MYO9B: variants seen among roughly 807,000 people sequenced by gnomAD.
The protein encoded by MYO9B is unconventional myosin-IXb.
MYO9B carries 71 observed loss-of-function variants against 229.5 expected under a neutral mutation model. The ratio of observed to expected loss-of-function variants is 0.31; its 90% CI spans 0.26 to 0.38. The LOEUF is 0.38. MYO9B is among the 10% of genes least tolerant of loss of function. The pLI is 1.00. For missense variants in MYO9B, 2,255 were observed against 2,920.5 expected (o/e 0.77, Z 5.25); for synonymous variants, 1,185 against 1,235.8 (o/e 0.96, Z 0.86).
chr19:17,209,349 G>C (rs968590772), intron 35 of MYO9B, among the ~76,000 whole-genome samples: 4 of 152,240 alleles, frequency 2.6e-5, no homozygotes, highest in Non-Finnish European at 5.9e-5. Flanking sequence ...AAGGGGTTCA[G>C]TTCACTCTGA....
chr19:17,113,518 C>T (rs2057869138), intron 2 of MYO9B, among the ~76,000 whole-genome samples: 1 of 152,142 alleles, frequency 6.6e-6, no homozygotes, highest in Non-Finnish European at 1.5e-5. Context: ...TGGTTATCCA[C>T]ACAAACATCT....
Position 17,167,989 on chromosome 19 carries a change from C to G in MYO9B, c.1718C>G (p.Thr573Arg). The G allele has an allele frequency of 6.2e-7, 1 of 1,604,684 alleles. No homozygotes were observed. Among genetic ancestry groups the G allele is most frequent in the East Asian group, 2.2e-5 (1 of 44,518 alleles). Reference protein sequence around the residue: ...EGITWHNIGYTDNVGCIHLIS... With the variant: ...EGITWHNIGYRDNVGCIHLIS... Reference sequence around the variant, plus strand: ...ATCACGTGGCACAACATCGGCTACACAGACAATGTCGGCTGCATCCATCTC... The same window carrying G: ...ATCACGTGGCACAACATCGGCTACAGAGACAATGTCGGCTGCATCCATCTC... Residue 573 changes from threonine (T) to arginine (R), a missense_variant, in exon 11 of 40, where the codon ACA becomes AGA. Thr to Arg is a moderately conservative substitution (Grantham distance 71). This residue lies in a region of MYO9B where 220 missense variants were observed against 404.5 expected (regional missense o/e 0.54). Coordinates refer to ENST00000682292, the MANE Select transcript of MYO9B (RefSeq NM_004145.4).
rs1348165743 is a variant in MYO9B at position 17,075,811 on chromosome 19, T to A, written c.-122T>A. The A allele has an allele frequency of 6.6e-6, 1 of 150,752 alleles. No homozygotes were observed. The highest frequency in any genetic ancestry group is 1.5e-5 in the Non-Finnish European group (1 of 67,378). The allele number at this position is 150,752 out of a possible 1,614,324, so 9.3% of individuals were successfully genotyped here. A position where few individuals can be genotyped will look rare whatever the true frequency, so the allele number is the denominator to read the frequency against. On this transcript the variant is annotated 5_prime_UTR_variant, in exon 1 of 40. Transcript: ENST00000682292. ...CGGAGCGGCTCGAGCAGCGGCGGGC[T>A]GGCAGGCGGTCGTCCGGCCGGGGAC...
At chr19:17,202,755 C>A in intron 28 of MYO9B, 87 bp from the exon 29 acceptor site, 1 of 1,362,576 alleles carries the variant, frequency 7.3e-7, no homozygotes, top group Non-Finnish European at 1.0e-6. Flanking sequence ...TCAGGGTACC[C>A]ACACGCCTGA....
At chr19:17,134,323 G>A (rs1410269742) in intron 2 of MYO9B, among the ~76,000 whole-genome samples, 1 of 145,406 alleles carries the variant, frequency 6.9e-6, no homozygotes, top group Non-Finnish European at 1.5e-5. Flanking sequence ...GTATCCCTCA[G>A]CTTCATCCAT....
At chr19:17,145,074 T>C (rs2072392243) in intron 2 of MYO9B, among the ~76,000 whole-genome samples, 1 of 151,840 alleles carries the variant, frequency 6.6e-6, no homozygotes, top group Non-Finnish European at 1.5e-5. Context: ...ACTCAGGAGT[T>C]CTACGTCAGC....
intron 33 of MYO9B, 90 bp downstream of exon 33, chr19:17,206,466 G>T: frequency 6.6e-7 from 1 of 1,517,162 alleles, no homozygotes; most frequent in Non-Finnish European, 8.8e-7. Context: ...GGACCACCCA[G>T]TTCACAAACT....
intron 2 of MYO9B, among the ~76,000 whole-genome samples, chr19:17,125,071 G>A (rs113154715): frequency 0.066 from 10,060 of 152,062 alleles, 520 homozygotes; most frequent in African/African-American, 0.13. Flanking sequence ...AGACCAAGGT[G>A]GGCAGATCAG....
At chr19:17,081,134 T>G (rs562704287) in intron 1 of MYO9B, among the ~76,000 whole-genome samples, 1 of 152,100 alleles carries the variant, frequency 6.6e-6, no homozygotes, top group Non-Finnish European at 1.5e-5. Flanking sequence ...TTCAAGTGAT[T>G]CTCCTGCCTC....
intron 4 of MYO9B, 143 bp from the exon 5 acceptor site, chr19:17,153,824 A>G (rs557257711): frequency 6.4e-6 from 4 of 626,458 alleles, no homozygotes; most frequent in African/African-American, 5.5e-5. Context: ...TTGTTTTTTT[A>G]AGACATAGTA....
intron 15 of MYO9B, 111 bp from the exon 16 acceptor site, chr19:17,183,718 C>T: frequency 2.3e-6 from 2 of 873,192 alleles, no homozygotes; most frequent in Non-Finnish European, 3.5e-6. Flanking sequence ...TCACTCTCTC[C>T]CCTCTCTCTG....
At chr19:17,201,416 C>T (rs1001847783) in intron 26 of MYO9B, among the ~76,000 whole-genome samples, 3 of 151,950 alleles carry the variant, frequency 2.0e-5, no homozygotes, top group African/African-American at 4.8e-5. Context: ...CACAGGGGGC[C>T]GATGGGGACA....
At chr19:17,147,947 G>A (rs1281576152) in intron 3 of MYO9B, among the ~76,000 whole-genome samples, 1 of 150,596 alleles carries the variant, frequency 6.6e-6, no homozygotes, top group Non-Finnish European at 1.5e-5. Context: ...CTCCCGAAGT[G>A]TTGGGATTAC....
chr19:17,154,515 ACAGG>A, intron 6 of MYO9B, 100 bp downstream of exon 6: 1 of 863,066 alleles, frequency 1.2e-6, no homozygotes, highest in South Asian at 1.7e-5. Flanking sequence ...CCCAGTGAAA[ACAGG>A]CAGGCAGTGT....
rs771920801 is a variant in MYO9B at position 17,195,180 on chromosome 19, G to A, written c.3753G>A (p.Pro1251=). The A allele has an allele frequency of 1.9e-5, 31 of 1,611,296 alleles. No individual in the cohort carries two copies. In the African/African-American group the frequency reaches 2.9e-4, roughly 15 times the overall value. Residue 1251 remains proline (P), a synonymous_variant, in exon 22 of 40, where the codon CCG becomes CCA. Transcript: ENST00000682292. This position sits in a 1 kb window ranked among gnomAD's most constrained non-coding sequence, Gnocchi z 4.5. ...GSPRPGQLER[P]TSLALDSRVS... Reference sequence around the variant, plus strand: ...CCAGGCCTGGCCAGTTGGAGCGGCCGACCAGCCTGGCCCTGGACAGCAGGG... The same window carrying A: ...CCAGGCCTGGCCAGTTGGAGCGGCCAACCAGCCTGGCCCTGGACAGCAGGG...
intron 2 of MYO9B, among the ~76,000 whole-genome samples, chr19:17,143,368 A>C (rs1484411267): frequency 6.6e-6 from 1 of 152,186 alleles, no homozygotes; most frequent in Non-Finnish European, 1.5e-5. Flanking sequence ...TAAGTGACTT[A>C]TAGCCTACTG....
At chr19:17,179,115 G>A (rs2072825573) in intron 14 of MYO9B, among the ~76,000 whole-genome samples, 1 of 151,192 alleles carries the variant, frequency 6.6e-6, no homozygotes, top group South Asian at 2.1e-4. Context: ...CCTGTAGACT[G>A]TAGGGTGTTG....
rs774938631 is a variant in MYO9B, at chr19:17,194,942, A to G, written c.3515A>G (p.Glu1172Gly). 1 of 1,613,438 alleles carries G rather than the reference A, an allele frequency of 6.2e-7. No homozygotes were observed. Among genetic ancestry groups the G allele is most frequent in the Non-Finnish European group, 8.5e-7 (1 of 1,179,884 alleles). The part of the protein sequence containing the change: ...QNKHIQSCKE[E>G]SALREPSRRV... The stretch of plus-strand genomic sequence containing the variant: ...AAACACATCCAGTCCTGCAAGGAGG[A>G]GAGTGCCCTCAGAGAACCTTCCAGA... Residue 1172 changes from glutamate to glycine, a missense_variant, in exon 22 of 40, where the codon GAG becomes GGG. Transcript: ENST00000682292.
chr19:17,201,984 A>G lies in MYO9B; in HGVS notation c.4622A>G (p.Glu1541Gly). 2 of 1,612,962 alleles carry G rather than the reference A, an allele frequency of 1.2e-6. No individual in the cohort carries two copies. The highest frequency in any genetic ancestry group is 1.7e-6 in the Non-Finnish European group (2 of 1,179,594). The change falls in exon 27 of 40, where the codon GAG (glutamate) becomes GGG (glycine). Residue 1541 changes from glutamate to glycine, a missense_variant. Coordinates refer to ENST00000682292, the MANE Select transcript of MYO9B (RefSeq NM_004145.4). ...GAGAGCTTGTTTATCGAAGCCACCG[A>G]GAAGTTCAGGAGCAACATCAAAACG... ...PIESLFIEAT[E>G]KFRSNIKTMY...
Sources: gnomAD v4.1 joint callset for allele counts (sites outside exome capture counted in the v4.1 genomes callset) on GRCh38, gnomAD v4.1.1 for gene constraint, gnomAD v4.1.1 regional missense constraint, Gnocchi (gnomAD v3.1) non-coding constraint, MANE v1.5 for transcripts, NCBI Gene and HGNC (gene_info 2026-07-23, HGNC 2026-07-21) for gene names.